The following WASHC2C variants were observed in gnomAD, a reference collection of about 807,000 sequenced individuals.
The protein encoded by WASHC2C is WASH complex subunit 2C, also known as Vaccinia Penetration Factor.
WASHC2C carries 73 observed loss-of-function variants against 142.2 expected under a neutral mutation model. That is an observed-to-expected ratio of 0.51 (90% CI 0.43 to 0.62). The LOEUF is 0.62. WASHC2C is among the 20% of genes least tolerant of loss of function. The pLI is 0.00. For synonymous variants in WASHC2C, 337 were observed against 565.5 expected (o/e 0.60, Z 5.73); for missense variants, 969 against 1,531.7 (o/e 0.63, Z 6.13).
chr10:45,786,968 T>C, intron 27 of WASHC2C, 67 bp from the exon 28 acceptor site: 3 of 1,611,818 alleles, frequency 1.9e-6, no homozygotes, highest in Non-Finnish European at 2.5e-6. Flanking sequence ...TCTTGTCATG[T>C]GTCACAATAA....
chr10:45,772,033 G>A (rs184876965), intron 20 of WASHC2C, among the ~76,000 whole-genome samples: 4 of 152,302 alleles, frequency 2.6e-5, no homozygotes, highest in East Asian at 1.9e-4. Context: ...TAAACAAAAT[G>A]TATAACCATA....
chr10:45,727,293 G>A lies in WASHC2C; in HGVS notation c.-25G>A, dbSNP rs1178693885. ...TCCTCGGCCTGTGCTGGCAGCCTCG[G>A]AGCCCACCGAGCCGGGCGGCTGGGA... On this transcript the variant is annotated 5_prime_UTR_variant, in exon 1 of 31. Transcript: ENST00000623400. The A allele has an allele frequency of 6.4e-7, 1 of 1,560,082 alleles. No individual in the cohort carries two copies. The highest frequency in any genetic ancestry group is 8.7e-7 in the Non-Finnish European group (1 of 1,153,768).
At chr10:45,787,391 C>T (rs564549954) in intron 28 of WASHC2C, 144 bp downstream of exon 28, 10 of 1,483,140 alleles carry the variant, frequency 6.7e-6, no homozygotes, top group Admixed American at 5.9e-5. Flanking sequence ...GCCGCTCCCC[C>T]CTCCATTCTC....
At chr10:45,729,107 C>T (rs1454772788) in intron 3 of WASHC2C, 81 bp downstream of exon 3, 12 of 1,399,270 alleles carry the variant, frequency 8.6e-6, no homozygotes, top group Non-Finnish European at 1.1e-5. Flanking sequence ...GTTAGGTTCC[C>T]TCCTAAATTT....
Position 45,757,534 on chromosome 10 carries a change from A to T in WASHC2C, c.1548+395A>T, listed in dbSNP as rs1388618947. On this transcript the variant is annotated intron_variant, in intron 16 of 30. Coordinates refer to ENST00000623400, the MANE Select transcript of WASHC2C (RefSeq NM_001330074.2). ...ATCAACAGCTGTGAGACTAACAGTA[A>T]TTCTATAGTAGAATCTAATATCTAG... Among the ~76,000 whole-genome samples, 15 of 152,122 alleles carry T rather than the reference A, an allele frequency of 9.9e-5. 1 individual carries two copies. In the South Asian group the frequency reaches 1.2e-3, roughly 13 times the overall value.
At chr10:45,786,875 G>A (rs1448115067) in intron 27 of WASHC2C, 160 bp from the exon 28 acceptor site, 31 of 1,574,028 alleles carry the variant, frequency 2.0e-5, no homozygotes, top group Non-Finnish European at 2.6e-5. Flanking sequence ...GGTGTAAGAC[G>A]CTCTGTTTTA....
At chr10:45,738,105 G>A (rs1210925294) in intron 4 of WASHC2C, 60 bp downstream of exon 4, 150 of 1,605,560 alleles carry the variant, frequency 9.3e-5, no homozygotes, top group Non-Finnish European at 1.1e-4. Flanking sequence ...GGTGGAGATC[G>A]ATGTGTTATG....
At chr10:45,766,465 A>G (rs1287502927) in intron 19 of WASHC2C, among the ~76,000 whole-genome samples, 1 of 146,698 alleles carries the variant, frequency 6.8e-6, no homozygotes, top group Non-Finnish European at 1.5e-5. Flanking sequence ...GTCCTGCTTC[A>G]GAGGAGAAGG....
rs2054092424 is a variant in WASHC2C, at chr10:45,755,175, G to C, written c.1420+60G>C. The C allele has an allele frequency of 2.6e-6, 4 of 1,550,418 alleles. No individual in the cohort carries two copies. In the South Asian group the frequency reaches 3.6e-5, roughly 14 times the overall value. ...CCAGAAAAAGAATGTTGCCTAAAAA[G>C]AACATAAGCTCACCTAGTTCTGTAT... On this transcript the variant is annotated intron_variant, in intron 15 of 30. Transcript: ENST00000623400.
intron 26 of WASHC2C, 33 bp from the exon 27 acceptor site, chr10:45,786,579 A>C (rs782403567): frequency 1.9e-6 from 3 of 1,610,732 alleles, no homozygotes; most frequent in Admixed American, 3.3e-5. Context: ...CTGTTTCCCA[A>C]ATGGATTTTT....
intron 3 of WASHC2C, among the ~76,000 whole-genome samples, chr10:45,737,038 G>A (rs2051362093): frequency 6.6e-6 from 1 of 151,690 alleles, no homozygotes; most frequent in South Asian, 2.1e-4. Context: ...CAGTGCAGTG[G>A]TGCAATCAGG....
rs553626594 is a variant in WASHC2C, at chr10:45,746,483, A to G, written c.685-117A>G. ...AGTCAGTACAAAGAGACTGAGTGTC[A>G]GAGCTTTTTCTCCACTTGACATAGA... On this transcript the variant is annotated intron_variant, in intron 7 of 30. Coordinates refer to ENST00000623400, the MANE Select transcript of WASHC2C (RefSeq NM_001330074.2). The G allele has an allele frequency of 2.6e-4, 321 of 1,219,836 alleles. 1 individual carries two copies. The African/African-American group carries it at 4.4e-3, about 17-fold the overall frequency. 75.6% of individuals were successfully genotyped at this position (1,219,836 alleles called of 1,614,324 possible).
chr10:45,764,784 G>A (rs1456243139), intron 18 of WASHC2C, among the ~76,000 whole-genome samples: 19 of 152,410 alleles, frequency 1.2e-4, no homozygotes, highest in Non-Finnish European at 2.1e-4. Flanking sequence ...AACTACTAGT[G>A]TGAAGCTCTT....
chr10:45,747,444 T>G (rs2052978003), intron 8 of WASHC2C, among the ~76,000 whole-genome samples: 1 of 152,106 alleles, frequency 6.6e-6, no homozygotes, highest in African/African-American at 2.4e-5. Flanking sequence ...ATGCCTGGCC[T>G]CCTTATTTTA....
chr10:45,788,378 T>C (rs182032025), intron 28 of WASHC2C, among the ~76,000 whole-genome samples: 7,943 of 124,722 alleles, frequency 0.064, 150 homozygotes, highest in African/African-American at 0.072. Context: ...AAACAGCACC[T>C]TAGATTACCT....
At chr10:45,785,697 G>A (rs1554889814) in intron 26 of WASHC2C, 66 bp downstream of exon 26, 2 of 1,610,412 alleles carry the variant, frequency 1.2e-6, no homozygotes, top group Non-Finnish European at 1.7e-6. Context: ...ATTCCATTAT[G>A]CAGACCCACA....
At chr10:45,790,582 C>T in intron 30 of WASHC2C, 49 bp downstream of exon 30, 11 of 1,611,960 alleles carry the variant, frequency 6.8e-6, no homozygotes, top group Non-Finnish European at 8.5e-6. Flanking sequence ...ACCTTTCCAT[C>T]ACTTGGTATT....
chr10:45,757,975 T>G (rs1393427617), intron 16 of WASHC2C, among the ~76,000 whole-genome samples: 1 of 152,272 alleles, frequency 6.6e-6, no homozygotes, highest in Non-Finnish European at 1.5e-5. Context: ...TTTTTTGTTC[T>G]AAGAAACTCA....
intron 18 of WASHC2C, among the ~76,000 whole-genome samples, chr10:45,765,357 A>G (rs1417244944): frequency 6.6e-6 from 1 of 151,144 alleles, no homozygotes; most frequent in Admixed American, 6.6e-5. Flanking sequence ...ACCACCTGAA[A>G]TGAGCAGAGA....
Sources: allele counts gnomAD v4.1 joint callset (sites outside exome capture counted in the v4.1 genomes callset), GRCh38; gene constraint gnomAD v4.1.1; transcripts MANE v1.5; gene names NCBI Gene and HGNC (gene_info 2026-07-23, HGNC 2026-07-21).